Variants in CAMK1D observed in about 807,000 individuals in gnomAD.
The protein encoded by CAMK1D is calcium/calmodulin-dependent protein kinase type 1D.
Under a neutral mutation model 47.7 loss-of-function variants are expected in CAMK1D, and 9 were observed. That is an observed-to-expected ratio of 0.19 (90% CI 0.11 to 0.33). The LOEUF (loss-of-function observed/expected upper bound fraction) is 0.33, where lower values mean the gene tolerates loss of function less well. Among genes scored for constraint, CAMK1D ranks in the 10% least tolerant of loss-of-function variants. The pLI is 1.00. For synonymous variants in CAMK1D, 184 were observed against 184.9 expected, an observed-to-expected ratio of 0.99 and a Z score of 0.04; for missense variants, 291 against 488.7, an observed-to-expected ratio of 0.60 and a Z score of 3.81.
intron 1 of CAMK1D, among the ~76,000 whole-genome samples, chr10:12,370,882 A>G (rs1837983111): frequency 1.3e-5 from 2 of 152,176 alleles, no homozygotes; most frequent in African/African-American, 4.8e-5. Context: ...TGCTGGGATT[A>G]CAGGGATGAG....
intron 1 of CAMK1D, among the ~76,000 whole-genome samples, chr10:12,447,153 G>T (rs77523935): frequency 6.6e-6 from 1 of 152,038 alleles, no homozygotes; most frequent in Non-Finnish European, 1.5e-5. Context: ...TCTGTATCTC[G>T]TGTTAGCTTC....
At chr10:12,758,711 A>G (rs938442797) in intron 3 of CAMK1D, among the ~76,000 whole-genome samples, 1 of 152,214 alleles carries the variant, frequency 6.6e-6, no homozygotes, top group Admixed American at 6.5e-5. Flanking sequence ...CAGAATGGGA[A>G]GCAGGACAGG....
chr10:12,827,251 T>C (rs1179199821), intron 10 of CAMK1D, among the ~76,000 whole-genome samples: 6 of 139,158 alleles, frequency 4.3e-5, no homozygotes, highest in Non-Finnish European at 9.5e-5. Context: ...CTCCCTTCTT[T>C]CTTTCTTTTT....
chr10:12,816,398 T>A lies in CAMK1D; in HGVS notation c.833+70T>A, dbSNP rs565262585. 4 of 1,222,584 alleles carry A rather than the reference T, an allele frequency of 3.3e-6. No individual in the cohort carries two copies. The African/African-American group carries it at 6.0e-5, about 18-fold the overall frequency. 75.7% of individuals were successfully genotyped at this position (1,222,584 alleles called of 1,614,324 possible). ...TCTGGGGGGGGCACGAAACTTCCTGTTGGCCGTTGTCATTTATGAAATCCA... is the reference window on the plus strand; with the variant it reads ...TCTGGGGGGGGCACGAAACTTCCTGATGGCCGTTGTCATTTATGAAATCCA... On this transcript the variant is annotated intron_variant, in intron 8 of 10. Coordinates refer to ENST00000619168, the MANE Select transcript of CAMK1D (RefSeq NM_153498.4).
intron 2 of CAMK1D, among the ~76,000 whole-genome samples, chr10:12,558,249 C>T (rs1198281180): frequency 6.6e-6 from 1 of 152,200 alleles, no homozygotes; most frequent in Admixed American, 6.5e-5. Context: ...AGGGCAGGCA[C>T]TGCTGACATC....
At position 12,793,406 on chromosome 10, in the gene CAMK1D, G is replaced by A. The variant is rs2131006132; in HGVS notation, c.641+2173G>A. Among the ~76,000 whole-genome samples, 2 of 152,312 alleles carry A rather than the reference G, an allele frequency of 1.3e-5. 1 individual carries two copies. Among genetic ancestry groups the A allele is most frequent in the African/African-American group, 4.8e-5 (2 of 41,574 alleles). The stretch of plus-strand genomic sequence containing the variant: ...GGGGCATTGGTACAGCTCTGGTTAG[G>A]TACTTGTTGACAGATGCTGCCAGAT... On this transcript the variant is annotated intron_variant, in intron 6 of 10. Transcript: ENST00000619168.
intron 1 of CAMK1D, among the ~76,000 whole-genome samples, chr10:12,536,313 C>T (rs1264469479): frequency 2.0e-5 from 3 of 152,112 alleles, no homozygotes; most frequent in Non-Finnish European, 4.4e-5. Context: ...GAGGCTCACT[C>T]TGTCTCCAAG....
intron 1 of CAMK1D, among the ~76,000 whole-genome samples, chr10:12,393,374 T>C (rs550409890): frequency 6.6e-6 from 1 of 152,260 alleles, no homozygotes; most frequent in East Asian, 1.9e-4. Context: ...TAGCTCCTAC[T>C]GAATGCAACT....
intron 6 of CAMK1D, among the ~76,000 whole-genome samples, chr10:12,808,477 A>G (rs1300095720): frequency 6.6e-6 from 1 of 152,198 alleles, no homozygotes; most frequent in Non-Finnish European, 1.5e-5. Context: ...GACTATGTGT[A>G]TGTCGGCTGA....
At chr10:12,453,555 A>G (rs1366015591) in intron 1 of CAMK1D, among the ~76,000 whole-genome samples, 3 of 152,302 alleles carry the variant, frequency 2.0e-5, no homozygotes, top group East Asian at 3.9e-4. Flanking sequence ...TCGCTTACCC[A>G]TTCATCTGTC....
chr10:12,353,846 G>A (rs1006951298), intron 1 of CAMK1D, among the ~76,000 whole-genome samples: 1 of 152,100 alleles, frequency 6.6e-6, no homozygotes, highest in Non-Finnish European at 1.5e-5. Context: ...AAATTAGGAG[G>A]GGTACACATT....
chr10:12,396,732 C>T (rs1434072717), intron 1 of CAMK1D, among the ~76,000 whole-genome samples: 3 of 152,218 alleles, frequency 2.0e-5, no homozygotes, highest in Non-Finnish European at 2.9e-5. Flanking sequence ...CCCTTCTCCC[C>T]GCAGCAGCTG....
intron 1 of CAMK1D, among the ~76,000 whole-genome samples, chr10:12,392,028 G>A (rs900540842): frequency 2.1e-5 from 3 of 145,250 alleles, no homozygotes; most frequent in East Asian, 4.2e-4. Flanking sequence ...AACAGTCTGG[G>A]TATGGTGGCT....
At chr10:12,680,617 C>T (rs1466037687) in intron 3 of CAMK1D, among the ~76,000 whole-genome samples, 11 of 152,156 alleles carry the variant, frequency 7.2e-5, no homozygotes, top group Non-Finnish European at 1.6e-4. Context: ...GGTGATGATG[C>T]TGGCGTGGCA....
At chr10:12,795,436 A>T (rs1000284096) in intron 6 of CAMK1D, among the ~76,000 whole-genome samples, 12 of 152,190 alleles carry the variant, frequency 7.9e-5, no homozygotes, top group Non-Finnish European at 1.6e-4. Context: ...GCACAAGGCC[A>T]CTGAGCGGTC....
intron 2 of CAMK1D, among the ~76,000 whole-genome samples, chr10:12,652,025 C>T (rs939443599): frequency 4.0e-5 from 6 of 151,814 alleles, no homozygotes; most frequent in Non-Finnish European, 7.4e-5. Flanking sequence ...GTGATCTGCC[C>T]GCCTCGGCCT....
At chr10:12,571,293 C>CA (rs1437713590) in intron 2 of CAMK1D, among the ~76,000 whole-genome samples, 2 of 151,294 alleles carry the variant, frequency 1.3e-5, no homozygotes, top group Non-Finnish European at 2.9e-5. Flanking sequence ...GAGGAAAATA[C>CA]AAAAAATCAG....
At chr10:12,451,104 G>A (rs548167034) in intron 1 of CAMK1D, among the ~76,000 whole-genome samples, 4 of 152,218 alleles carry the variant, frequency 2.6e-5, no homozygotes, top group Non-Finnish European at 5.9e-5. Context: ...GTAGGGCTGA[G>A]GGGCCAGGCA....
intron 1 of CAMK1D, among the ~76,000 whole-genome samples, chr10:12,432,985 G>C (rs1025547142): frequency 3.3e-5 from 5 of 152,168 alleles, no homozygotes; most frequent in African/African-American, 1.2e-4. Context: ...GGATTTCACT[G>C]TCCCTGAGCC....
Sources: allele counts gnomAD v4.1 joint callset (sites outside exome capture counted in the v4.1 genomes callset), GRCh38; gene constraint gnomAD v4.1.1; transcripts MANE v1.5; gene names NCBI Gene and HGNC (gene_info 2026-07-23, HGNC 2026-07-21).